Variants in AUTS2 observed in about 807,000 individuals in gnomAD.
AUTS2 encodes the protein autism susceptibility gene 2 protein.
AUTS2 carries 17 observed loss-of-function variants against 112.4 expected under a neutral mutation model. The ratio of observed to expected loss-of-function variants is 0.15; its 90% CI spans 0.10 to 0.23. AUTS2 has a LOEUF of 0.23. Among genes scored for constraint, AUTS2 ranks in the 10% least tolerant of loss-of-function variants. The pLI is 1.00. For synonymous variants in AUTS2, 751 were observed against 702.7 expected (o/e 1.07, Z -1.09); for missense variants, 1,510 against 1,701.6 (o/e 0.89, Z 1.98).
chr7:69,914,101 AT>A (rs1162223783), intron 2 of AUTS2, among the ~76,000 whole-genome samples: 1 of 151,722 alleles, frequency 6.6e-6, no homozygotes, highest in Non-Finnish European at 1.5e-5. Flanking sequence ...ATAATTATAG[AT>A]TTTTCTTTCT....
chr7:70,117,138 T>TACA (rs1805421454), intron 2 of AUTS2, among the ~76,000 whole-genome samples: 1 of 91,440 alleles, frequency 1.1e-5, no homozygotes, highest in South Asian at 3.1e-4. Context: ...TTTTTTTTTG[T>TACA]TTTTTTTTTT....
At chr7:69,762,573 T>C (rs1788239765) in intron 1 of AUTS2, among the ~76,000 whole-genome samples, 1 of 152,060 alleles carries the variant, frequency 6.6e-6, no homozygotes, top group Non-Finnish European at 1.5e-5. Context: ...CCTCCCAAAG[T>C]GCTGGGATTT....
At chr7:70,142,808 A>G (rs1806934138) in intron 4 of AUTS2, among the ~76,000 whole-genome samples, 1 of 152,076 alleles carries the variant, frequency 6.6e-6, no homozygotes, top group South Asian at 2.1e-4. Context: ...TTTTTCTGAC[A>G]TTGGCTTTAA....
intron 5 of AUTS2, among the ~76,000 whole-genome samples, chr7:70,486,819 GTGGTGGTGGTGC>G (rs1443498151): frequency 6.6e-6 from 1 of 151,650 alleles, no homozygotes; most frequent in African/African-American, 2.4e-5. Context: ...CTGGTAGTCT[GTGGTGGTGGTGC>G]TGGTGGTGGT....
At chr7:70,526,093 T>A (rs951205365) in intron 5 of AUTS2, among the ~76,000 whole-genome samples, 8 of 152,184 alleles carry the variant, frequency 5.3e-5, no homozygotes, top group African/African-American at 1.7e-4. Flanking sequence ...TCTCTCAACC[T>A]CCCACATCTA....
At chr7:69,844,691 C>G (rs1021713458) in intron 1 of AUTS2, among the ~76,000 whole-genome samples, 1 of 152,116 alleles carries the variant, frequency 6.6e-6, no homozygotes, top group Non-Finnish European at 1.5e-5. Flanking sequence ...ACAAGCTGCA[C>G]CCCTGGGACC....
At chr7:70,710,010 A>C (rs1038031363) in intron 6 of AUTS2, among the ~76,000 whole-genome samples, 3 of 152,186 alleles carry the variant, frequency 2.0e-5, no homozygotes, top group Non-Finnish European at 4.4e-5. Flanking sequence ...CTGTTAAGGT[A>C]TTACGGTATT....
chr7:70,628,341 GTA>G (rs1371445721), intron 5 of AUTS2, among the ~76,000 whole-genome samples: 5 of 5,984 alleles, frequency 8.4e-4, no homozygotes, highest in African/African-American at 3.9e-3. Context: ...TATATATATA[GTA>G]TATATATATA....
intron 2 of AUTS2, among the ~76,000 whole-genome samples, chr7:69,930,211 G>C (rs1796175422): frequency 6.6e-6 from 1 of 152,066 alleles, no homozygotes; most frequent in Non-Finnish European, 1.5e-5. Flanking sequence ...AATTCTTTTG[G>C]GTGTTTCTTT....
intron 2 of AUTS2, among the ~76,000 whole-genome samples, chr7:70,073,473 T>C (rs1210509542): frequency 6.9e-6 from 1 of 144,728 alleles, no homozygotes; most frequent in East Asian, 2.0e-4. Context: ...ATCACACCAC[T>C]GCACTCCAGC....
At chr7:70,445,483 A>G (rs1562961017) in intron 5 of AUTS2, among the ~76,000 whole-genome samples, 1 of 152,226 alleles carries the variant, frequency 6.6e-6, no homozygotes, top group African/African-American at 2.4e-5. Flanking sequence ...CGGTTTCTCA[A>G]GAAACATGGA....
In AUTS2 at chr7:70,644,391, G is replaced by A. The variant is rs116303677; in HGVS notation, c.691-54178G>A. 9.3e-3 allele frequency among the ~76,000 whole-genome samples: 1,410 copies of A among 152,240 alleles called. 33 individuals carry two copies. The highest frequency in any genetic ancestry group is 0.032 in the African/African-American group (1,332 of 41,538). On this transcript the variant is annotated intron_variant, in intron 5 of 18. Coordinates refer to ENST00000342771, the MANE Select transcript of AUTS2 (RefSeq NM_015570.4). ...GCATTCCAAACAGAGGGAACTGCACGTTCTTGTGCTTTAACCATCCTAAAA... is the reference window on the plus strand; with the variant it reads ...GCATTCCAAACAGAGGGAACTGCACATTCTTGTGCTTTAACCATCCTAAAA...
intron 1 of AUTS2, among the ~76,000 whole-genome samples, chr7:69,879,871 G>A (rs2129537354): frequency 6.6e-6 from 1 of 152,220 alleles, no homozygotes. Flanking sequence ...GTGATCATAG[G>A]TTGCTGCAGC....
chr7:70,029,229 C>T (rs1800662134), intron 2 of AUTS2, among the ~76,000 whole-genome samples: 1 of 149,918 alleles, frequency 6.7e-6, no homozygotes, highest in African/African-American at 2.5e-5. Flanking sequence ...GTGCCAGACA[C>T]ACAGCAAATC....
intron 5 of AUTS2, among the ~76,000 whole-genome samples, chr7:70,632,452 TC>T (rs1427029359): frequency 6.6e-6 from 1 of 151,918 alleles, no homozygotes; most frequent in Non-Finnish European, 1.5e-5. Context: ...CCCTGTGGCT[TC>T]TTCACTTTGC....
At chr7:69,600,614 GAGAGA>G (rs1428093276) in intron 1 of AUTS2, among the ~76,000 whole-genome samples, 1 of 150,910 alleles carries the variant, frequency 6.6e-6, no homozygotes, top group African/African-American at 2.4e-5. Context: ...GGGAGGAGGG[GAGAGA>G]AGAGGGAAGG....
At chr7:70,196,820 A>G (rs1810199155) in intron 4 of AUTS2, among the ~76,000 whole-genome samples, 1 of 152,198 alleles carries the variant, frequency 6.6e-6, no homozygotes, top group Admixed American at 6.5e-5. Context: ...GGTACTATTA[A>G]TGGTCAGTTG....
chr7:70,546,267 A>G (rs1420854150), intron 5 of AUTS2, among the ~76,000 whole-genome samples: 4 of 151,218 alleles, frequency 2.6e-5, no homozygotes, highest in Non-Finnish European at 4.4e-5. Context: ...AACATGGTAA[A>G]ACCCCATCTC....
At chr7:69,816,243 C>T (rs1197680323) in intron 1 of AUTS2, among the ~76,000 whole-genome samples, 2 of 152,158 alleles carry the variant, frequency 1.3e-5, no homozygotes, top group African/African-American at 4.8e-5. Flanking sequence ...CTGATGATTT[C>T]TAAAAGGGAA....
Sources: gnomAD v4.1 joint callset for allele counts (sites outside exome capture counted in the v4.1 genomes callset) on GRCh38, gnomAD v4.1.1 for gene constraint, MANE v1.5 for transcripts, NCBI Gene and HGNC (gene_info 2026-07-23, HGNC 2026-07-21) for gene names.